KCNH1: variants seen among roughly 807,000 people sequenced by gnomAD.
The protein encoded by KCNH1 is potassium voltage-gated channel subfamily H member 1.
A neutral mutation model predicts 69.2 loss-of-function variants in KCNH1; 27 were observed. That is an observed-to-expected ratio of 0.39 (90% CI 0.29 to 0.54). The LOEUF (loss-of-function observed/expected upper bound fraction) is 0.54, where lower values mean the gene tolerates loss of function less well. KCNH1 is among the 20% of genes least tolerant of loss of function. The pLI is 0.68. For missense variants in KCNH1, 798 were observed against 1,261.6 expected, an observed-to-expected ratio of 0.63 and a Z score of 5.57; for synonymous variants, 456 against 487.7, an observed-to-expected ratio of 0.93 and a Z score of 0.86.
chr1:211,066,148 G>A (rs376617964), intron 5 of KCNH1, among the ~76,000 whole-genome samples: 1 of 152,082 alleles, frequency 6.6e-6, no homozygotes, highest in Non-Finnish European at 1.5e-5. Flanking sequence ...TGCAAGAAAC[G>A]ATGGGTATTT....
At position 210,680,143 on chromosome 1, in the gene KCNH1, T is replaced by A. The variant is rs548562973; in HGVS notation, c.*3138A>T. 6.6e-6 allele frequency: 1 copy of A among 152,080 alleles called. No homozygotes were observed. The highest frequency in any genetic ancestry group is 1.5e-5 in the Non-Finnish European group (1 of 68,042). 9.4% of individuals were successfully genotyped at this position (152,080 alleles called of 1,614,324 possible). A position where few individuals can be genotyped will look rare whatever the true frequency, so the allele number is the denominator to read the frequency against. On this transcript the variant is annotated 3_prime_UTR_variant, in exon 11 of 11. Transcript: ENST00000271751. ...CCCACCAAGAACAAACACCACCTCA[T>A]TGACCATCTTAGTTCTTAGAGTTAA...
At chr1:210,728,782 A>G (rs1400079412) in intron 10 of KCNH1, among the ~76,000 whole-genome samples, 1 of 152,238 alleles carries the variant, frequency 6.6e-6, no homozygotes, top group Non-Finnish European at 1.5e-5. Flanking sequence ...GTACAGCTCT[A>G]TATTTTGATG....
At chr1:211,101,229 C>A (rs999767737) in intron 3 of KCNH1, among the ~76,000 whole-genome samples, 3 of 152,148 alleles carry the variant, frequency 2.0e-5, no homozygotes, top group Non-Finnish European at 2.9e-5. Flanking sequence ...GTGTCTATCT[C>A]TTCATACTTG....
At chr1:210,984,082 T>G (rs576477829) in intron 6 of KCNH1, among the ~76,000 whole-genome samples, 1 of 152,168 alleles carries the variant, frequency 6.6e-6, no homozygotes. Flanking sequence ...TTGTCTGTTA[T>G]TGGTGTATAA....
chr1:210,963,218 A>C (rs1385323789), intron 6 of KCNH1, among the ~76,000 whole-genome samples: 2 of 152,086 alleles, frequency 1.3e-5, no homozygotes, highest in Admixed American at 6.6e-5. Flanking sequence ...AAAACTAAAA[A>C]AAACAGAAAA....
chr1:210,877,695 A>G (rs1215980094), intron 7 of KCNH1, among the ~76,000 whole-genome samples: 1 of 152,174 alleles, frequency 6.6e-6, no homozygotes, highest in Non-Finnish European at 1.5e-5. Flanking sequence ...AAATATAAAG[A>G]TATCTATAGC....
intron 7 of KCNH1, among the ~76,000 whole-genome samples, chr1:210,907,646 T>C (rs1009876746): frequency 5.3e-5 from 8 of 152,164 alleles, no homozygotes; most frequent in Non-Finnish European, 8.8e-5. Flanking sequence ...TTCCCCCACA[T>C]TGGAGCAAAC....
chr1:210,783,788 T>C (rs1684038794), intron 9 of KCNH1, among the ~76,000 whole-genome samples: 1 of 152,216 alleles, frequency 6.6e-6, no homozygotes, highest in Non-Finnish European at 1.5e-5. Context: ...GCTTCCATCT[T>C]GTCTAAGCTT....
intron 7 of KCNH1, among the ~76,000 whole-genome samples, chr1:210,856,524 T>C (rs113996272): frequency 0.017 from 2,542 of 151,882 alleles, 72 homozygotes; most frequent in African/African-American, 0.057. Context: ...GCAAGGACAT[T>C]TGTCCAGCCT....
chr1:210,904,018 T>C (rs560950451), intron 7 of KCNH1, among the ~76,000 whole-genome samples: 30 of 152,182 alleles, frequency 2.0e-4, no homozygotes, highest in Non-Finnish European at 3.8e-4. Context: ...GGCTATTGTA[T>C]CTTAGTAGTT....
intron 3 of KCNH1, among the ~76,000 whole-genome samples, chr1:211,098,135 T>C (rs1691190939): frequency 6.6e-6 from 1 of 151,702 alleles, no homozygotes; most frequent in East Asian, 1.9e-4. Flanking sequence ...CTGGCCAACA[T>C]GGTGAAACCC....
chr1:210,919,573 T>C lies in KCNH1; in HGVS notation c.1462+67A>G. ...TATTCTCCTGATCCTGCTGGCACTGTAGCCATTTCCCTGTTTCCAGCTAAC... is the reference window on the plus strand; with the variant it reads ...TATTCTCCTGATCCTGCTGGCACTGCAGCCATTTCCCTGTTTCCAGCTAAC... On this transcript the variant is annotated intron_variant, in intron 7 of 10. Transcript: ENST00000271751. The surrounding 1 kb of genome is among the most constrained non-coding windows in gnomAD (Gnocchi z 4.2). 1 of 1,390,138 alleles carries C rather than the reference T, an allele frequency of 7.2e-7. No individual in the cohort carries two copies. Among genetic ancestry groups the C allele is most frequent in the Non-Finnish European group, 1.0e-6 (1 of 994,760 alleles). The allele number at this position is 1,390,138 out of a possible 1,614,324, so 86.1% of individuals were successfully genotyped here. A position where few individuals can be genotyped will look rare whatever the true frequency, so the allele number is the denominator to read the frequency against.
intron 7 of KCNH1, among the ~76,000 whole-genome samples, chr1:210,862,535 T>C (rs544509782): frequency 6.6e-6 from 1 of 152,188 alleles, no homozygotes; most frequent in African/African-American, 2.4e-5. Context: ...GGTCTCACTA[T>C]GTTGCCCAGG....
intron 10 of KCNH1, among the ~76,000 whole-genome samples, chr1:210,711,216 AT>A (rs1682066384): frequency 6.6e-6 from 1 of 152,200 alleles, no homozygotes; most frequent in African/African-American, 2.4e-5. Flanking sequence ...GCTAATATAA[AT>A]GCCATCATAC....
intron 7 of KCNH1, among the ~76,000 whole-genome samples, chr1:210,889,655 C>A (rs1380803320): frequency 6.6e-6 from 1 of 152,092 alleles, no homozygotes; most frequent in Non-Finnish European, 1.5e-5. Flanking sequence ...TTTAGAAAAC[C>A]CCATCATCTC....
At chr1:210,865,201 T>C (rs1371494014) in intron 7 of KCNH1, among the ~76,000 whole-genome samples, 4 of 152,228 alleles carry the variant, frequency 2.6e-5, no homozygotes, top group Admixed American at 2.0e-4. Context: ...GCTAAACATA[T>C]GCCCCCATAG....
chr1:210,910,192 A>T (rs566227757), intron 7 of KCNH1, among the ~76,000 whole-genome samples: 2 of 147,078 alleles, frequency 1.4e-5, no homozygotes, highest in African/African-American at 5.1e-5. Context: ...AAAAAAAAAA[A>T]TTTCATCAAA....
chr1:210,905,725 G>C (rs947672049), intron 7 of KCNH1, among the ~76,000 whole-genome samples: 1 of 152,000 alleles, frequency 6.6e-6, no homozygotes, highest in Non-Finnish European at 1.5e-5. Flanking sequence ...GGCAGCCGTA[G>C]GGTGCTGAGG....
At position 211,133,925 on chromosome 1, in the gene KCNH1, C is replaced by T; in HGVS notation, c.21G>A (p.Arg7=). The stretch of plus-strand genomic sequence containing the variant: ...TGTTTTGAGGGGCCACTAGTCCCCT[C>T]CTGCCCCCAGCCATGGTCATCCTCC... MTMAGG[R]RGLVAPQNTF... Residue 7 remains arginine (R), a synonymous_variant, in exon 1 of 11, where the codon AGG becomes AGA. Coordinates refer to ENST00000271751, the MANE Select transcript of KCNH1 (RefSeq NM_172362.3). This position sits in a 1 kb window ranked among gnomAD's most constrained non-coding sequence, Gnocchi z 5.4. The T allele has an allele frequency of 6.2e-7, 1 of 1,609,890 alleles. No homozygotes were observed. The highest frequency in any genetic ancestry group is 8.5e-7 in the Non-Finnish European group (1 of 1,178,288).
Sources: allele counts gnomAD v4.1 joint callset (sites outside exome capture counted in the v4.1 genomes callset), GRCh38; gene constraint gnomAD v4.1.1; non-coding constraint Gnocchi (gnomAD v3.1); transcripts MANE v1.5; gene names NCBI Gene and HGNC (gene_info 2026-07-23, HGNC 2026-07-21).